The following ISY1 variants were observed in gnomAD, a reference collection of about 807,000 sequenced individuals.
ISY1 encodes the protein pre-mRNA-splicing factor ISY1 homolog.
In ISY1, 12 loss-of-function variants were observed where a neutral mutation model predicts 54.4. The ratio of observed to expected loss-of-function variants is 0.22; its 90% CI spans 0.14 to 0.36. The LOEUF (loss-of-function observed/expected upper bound fraction) is 0.36, where lower values mean the gene tolerates loss of function less well. ISY1 is among the 10% of genes least tolerant of loss of function. The pLI is 1.00. For synonymous variants in ISY1, 96 were observed against 117.9 expected (o/e 0.81, Z 1.20); for missense variants, 282 against 342.2 (o/e 0.82, Z 1.39).
At chr3:129,149,712 C>T (rs1219620191) in intron 5 of ISY1, among the ~76,000 whole-genome samples, 2 of 130,386 alleles carry the variant, frequency 1.5e-5, no homozygotes, top group South Asian at 2.4e-4. Context: ...GCAGGCGAAT[C>T]GCTTAAACCC....
intron 5 of ISY1, among the ~76,000 whole-genome samples, chr3:129,150,278 G>A (rs532646007): frequency 6.6e-6 from 1 of 152,298 alleles, no homozygotes; most frequent in East Asian, 1.9e-4. Flanking sequence ...AAGAGAGAAA[G>A]AATTAACATC....
In ISY1 at chr3:129,140,494, G is replaced by T. The variant is rs945538406; in HGVS notation, c.301-9C>A. The T allele has an allele frequency of 6.3e-7, 1 of 1,587,668 alleles. No homozygotes were observed. Among genetic ancestry groups the T allele is most frequent in the African/African-American group, 1.4e-5 (1 of 72,860 alleles). ...ATTTTAGGGCCAACTTTCTTATTGG[G>T]AAGAAAAAAAGAGAAAATGGATCTG... On this transcript the variant is annotated splice_polypyrimidine_tract_variant and intron_variant, in intron 6 of 10. Coordinates refer to ENST00000393295, the MANE Select transcript of ISY1 (RefSeq NM_020701.4).
rs112457428 is a variant in ISY1 at position 129,148,247 on chromosome 3, A to T, written c.188-2374T>A. Among the ~76,000 whole-genome samples the T allele has an allele frequency of 3.6e-3, 541 of 152,326 alleles. 1 individual carries two copies. The highest frequency in any genetic ancestry group is 0.012 in the African/African-American group (510 of 41,586). ...CAGTTTTGGGGCTACTATAAACATT[A>T]TGTATGAGTTTTTGTGTAACAGAAA... is the stretch of plus-strand genomic sequence containing the variant. On this transcript the variant is annotated intron_variant, in intron 5 of 10. Transcript: ENST00000393295.
chr3:129,137,342 G>T, intron 7 of ISY1: 2 of 390,968 alleles, frequency 5.1e-6, no homozygotes, highest in Non-Finnish European at 7.0e-6. Context: ...ATTATAACCA[G>T]TAAAATTCAC....
At chr3:129,152,650 C>G (rs1341950860) in intron 5 of ISY1, among the ~76,000 whole-genome samples, 1 of 152,180 alleles carries the variant, frequency 6.6e-6, no homozygotes, top group Admixed American at 6.5e-5. Context: ...TCACGATCCA[C>G]CCACCTTGGC....
At chr3:129,159,367 T>TA (rs1461605553) in intron 1 of ISY1, among the ~76,000 whole-genome samples, 191 bp from the exon 2 acceptor site, 3 of 152,178 alleles carry the variant, frequency 2.0e-5, no homozygotes, top group Non-Finnish European at 4.4e-5. Context: ...TCCCTCTACT[T>TA]AAAATCTTTA....
chr3:129,139,867 C>G (rs1365588682), intron 7 of ISY1, among the ~76,000 whole-genome samples: 1 of 152,158 alleles, frequency 6.6e-6, no homozygotes, highest in East Asian at 1.9e-4. Flanking sequence ...GTCTCTAACT[C>G]CCTACCTCAG....
chr3:129,134,921 A>T lies in ISY1; in HGVS notation c.452T>A (p.Leu151His). 4 of 1,611,030 alleles carry T rather than the reference A, an allele frequency of 2.5e-6. No individual in the cohort carries two copies. The highest frequency in any genetic ancestry group is 3.4e-6 in the Non-Finnish European group (4 of 1,177,880). The change falls in exon 8 of 11, where the codon CTC becomes CAC. Residue 151 changes from leucine (L) to histidine (H), a missense_variant. Physicochemically the swap from Leu to His is moderately conservative, Grantham distance 99. Transcript: ENST00000393295. ...GTACTCAAAATCGATTGCCTTCATG[A>T]GCTCAGCACGTGTCTTTCTGGGAGG... ...LPPPRKTRAE[L>H]MKAIDFEYYG...
At chr3:129,152,473 G>A (rs1224015815) in intron 5 of ISY1, among the ~76,000 whole-genome samples, 3 of 151,354 alleles carry the variant, frequency 2.0e-5, no homozygotes, top group South Asian at 2.1e-4. Context: ...GTGCAATCTC[G>A]GCTCACTGCA....
chr3:129,130,441 T>C lies in ISY1; in HGVS notation c.750+109A>G, dbSNP rs1373640486. ...GACAGGTGTCATGTGGTCAGGACCC[T>C]GAGCTGCCCTGATGGGTAGGAAGGA... On this transcript the variant is annotated intron_variant, in intron 10 of 10. Transcript: ENST00000393295. 28 of 1,382,298 alleles carry C rather than the reference T, an allele frequency of 2.0e-5. No individual in the cohort carries two copies. The East Asian group carries it at 5.9e-4, about 29-fold the overall frequency. The allele number at this position is 1,382,298 out of a possible 1,614,324, so 85.6% of individuals were successfully genotyped here.
chr3:129,160,241 T>C (rs909296225), intron 1 of ISY1, among the ~76,000 whole-genome samples: 7 of 152,130 alleles, frequency 4.6e-5, no homozygotes, highest in Non-Finnish European at 7.4e-5. Context: ...ATATCTCTTA[T>C]AACCTAACCA....
intron 7 of ISY1, among the ~76,000 whole-genome samples, chr3:129,136,845 A>G (rs576415770): frequency 6.7e-6 from 1 of 148,986 alleles, no homozygotes; most frequent in Non-Finnish European, 1.5e-5. Flanking sequence ...ACCTGCCACC[A>G]TGCCCAGCTA....
intron 7 of ISY1, among the ~76,000 whole-genome samples, chr3:129,136,206 A>G (rs866346268): frequency 6.6e-6 from 1 of 151,456 alleles, no homozygotes; most frequent in Admixed American, 6.6e-5. Context: ...GGTTCAAGCG[A>G]TTCTCCTGCC....
At position 129,128,994 on chromosome 3, in the gene ISY1, C is replaced by A. The variant is rs1192583354; in HGVS notation, c.*1087G>T. ...GGAGCCCTGTCTACAGCTGTGGCCACGGACGCCATGGTGGGTCGGCTCACT... is the reference window on the plus strand; with the variant it reads ...GGAGCCCTGTCTACAGCTGTGGCCAAGGACGCCATGGTGGGTCGGCTCACT... On this transcript the variant is annotated 3_prime_UTR_variant, in exon 11 of 11. Coordinates refer to ENST00000393295, the MANE Select transcript of ISY1 (RefSeq NM_020701.4). 6.6e-6 allele frequency: 1 copy of A among 152,294 alleles called. No individual in the cohort carries two copies. The highest frequency in any genetic ancestry group is 1.5e-5 in the Non-Finnish European group (1 of 68,138). The allele number at this position is 152,294 out of a possible 1,614,324, so 9.4% of individuals were successfully genotyped here. A position where few individuals can be genotyped will look rare whatever the true frequency, so the allele number is the denominator to read the frequency against.
intron 5 of ISY1, among the ~76,000 whole-genome samples, chr3:129,150,332 C>A (rs1178166197): frequency 6.6e-6 from 1 of 152,138 alleles, no homozygotes; most frequent in East Asian, 1.9e-4. Context: ...AGTGTATCTC[C>A]CCATTCATTC....
intron 7 of ISY1, 88 bp downstream of exon 7, chr3:129,140,279 GA>G: frequency 1.7e-5 from 20 of 1,192,786 alleles, no homozygotes; most frequent in Admixed American, 2.4e-5. Context: ...ATGCAACTAA[GA>G]AAAAAAAGTA....
rs1456874087 is a variant in ISY1, at chr3:129,154,848, C to G, written c.187+1785G>C. Among the ~76,000 whole-genome samples, 5 of 152,060 alleles carry G rather than the reference C, an allele frequency of 3.3e-5. No homozygotes were observed. In the East Asian group the frequency reaches 9.8e-4, roughly 30 times the overall value. On this transcript the variant is annotated intron_variant, in intron 5 of 10. Transcript: ENST00000393295. Reference sequence around the variant, plus strand: ...GGATTACAGGCGCCTGCCACCACATCCAGCTAATTTTTTGTATTTTTAGTA... The same window carrying G: ...GGATTACAGGCGCCTGCCACCACATGCAGCTAATTTTTTGTATTTTTAGTA...
intron 5 of ISY1, among the ~76,000 whole-genome samples, chr3:129,155,626 AATT>A (rs1199928961): frequency 1.3e-5 from 2 of 151,766 alleles, no homozygotes; most frequent in African/African-American, 4.9e-5. Context: ...CAGACACATG[AATT>A]ATTTACAAAT....
chr3:129,151,591 T>C (rs1576888549), intron 5 of ISY1, among the ~76,000 whole-genome samples: 1 of 152,080 alleles, frequency 6.6e-6, no homozygotes, highest in African/African-American at 2.4e-5. Flanking sequence ...ACTGCACCAC[T>C]GTACTTCAGC....
Sources: allele counts gnomAD v4.1 joint callset (sites outside exome capture counted in the v4.1 genomes callset), GRCh38; gene constraint gnomAD v4.1.1; transcripts MANE v1.5; gene names NCBI Gene and HGNC (gene_info 2026-07-23, HGNC 2026-07-21).